LHX8: variants seen among roughly 807,000 people sequenced by gnomAD.
LHX8 encodes the protein LIM/homeobox protein Lhx8.
LHX8 carries 12 observed loss-of-function variants against 40.3 expected under a neutral mutation model. That is an observed-to-expected ratio of 0.30 (90% CI 0.19 to 0.48). The LOEUF (loss-of-function observed/expected upper bound fraction) is 0.48, where lower values mean the gene tolerates loss of function less well. LHX8 is among the 20% of genes least tolerant of loss of function. LHX8 has a pLI of 0.99. For missense variants in LHX8, 344 were observed against 433.7 expected (o/e 0.79, Z 1.84); for synonymous variants, 179 against 162.0 (o/e 1.10, Z -0.80).
chr1:75,157,777 C>T (rs1369763701), intron 8 of LHX8, among the ~76,000 whole-genome samples: 1 of 152,100 alleles, frequency 6.6e-6, no homozygotes, highest in African/African-American at 2.4e-5. Flanking sequence ...TATAGAAATC[C>T]ACTGTAGGAA....
At chr1:75,169,096 C>G in the LHX8 span, among the ~76,000 whole-genome samples, 1 of 152,128 alleles carries the variant, frequency 6.6e-6, no homozygotes, top group Non-Finnish European at 1.5e-5. Flanking sequence ...TTGAAGGGCA[C>G]TTTTCATGGG....
At chr1:75,180,046 T>G in the LHX8 span, among the ~76,000 whole-genome samples, 6 of 152,238 alleles carry the variant, frequency 3.9e-5, no homozygotes, top group African/African-American at 1.4e-4. Context: ...GTAGAGTTTC[T>G]GCCAAGAGAT....
At chr1:75,166,088 G>T (rs149021300), downstream of LHX8, among the ~76,000 whole-genome samples, 1,669 of 152,328 alleles carry the variant, frequency 0.011, 37 homozygotes, top group African/African-American at 0.038. Flanking sequence ...GGCACTCTGA[G>T]GCCGGGCAGT....
chr1:75,148,500 A>C, intron 6 of LHX8, 87 bp from the exon 7 acceptor site: 1 of 887,910 alleles, frequency 1.1e-6, no homozygotes, highest in East Asian at 2.6e-5. Flanking sequence ...GTTCTTGTGC[A>C]TGTCTTACCT....
At chr1:75,136,317 C>CG (rs1008750543) in intron 1 of LHX8, among the ~76,000 whole-genome samples, 11 of 151,994 alleles carry the variant, frequency 7.2e-5, no homozygotes, top group African/African-American at 1.9e-4. Context: ...TTATCCCCGG[C>CG]GGGGGGGCGG....
intron 6 of LHX8, among the ~76,000 whole-genome samples, chr1:75,147,644 C>T (rs1057405458): frequency 1.3e-5 from 2 of 152,154 alleles, no homozygotes; most frequent in Non-Finnish European, 2.9e-5. Flanking sequence ...CAAGCACAAT[C>T]ACATTGGGTG....
At chr1:75,178,895 G>T in the LHX8 span, among the ~76,000 whole-genome samples, 2 of 151,826 alleles carry the variant, frequency 1.3e-5, no homozygotes, top group Non-Finnish European at 2.9e-5. Flanking sequence ...TTGGTTTCAA[G>T]TAACATCTTT....
intron 5 of LHX8, among the ~76,000 whole-genome samples, chr1:75,143,631 C>T (rs146503111): frequency 6.5e-4 from 99 of 152,176 alleles, no homozygotes; most frequent in African/African-American, 2.3e-3. Context: ...ATGTGTACTT[C>T]TAACTTTTTG....
In LHX8 at chr1:75,160,955, A is replaced by T; in HGVS notation, c.*60A>T. On this transcript the variant is annotated 3_prime_UTR_variant, in exon 9 of 9. Transcript: ENST00000356261. The stretch of plus-strand genomic sequence containing the variant: ...AAATTTGTCATTTATTATGTATAAA[A>T]TACCATTGAAAAGATATTACTGTTA... 1.6e-6 allele frequency: 2 copies of T among 1,228,372 alleles called. No individual in the cohort carries two copies. Among genetic ancestry groups the T allele is most frequent in the South Asian group, 2.4e-5 (2 of 82,618 alleles). The allele number at this position is 1,228,372 out of a possible 1,614,324, so 76.1% of individuals were successfully genotyped here.
At chr1:75,132,047 C>CCAAA (rs1048246296), upstream of LHX8, 1 of 152,152 alleles carries the variant, frequency 6.6e-6, no homozygotes, top group Admixed American at 6.5e-5. Flanking sequence ...ATTACTAAGA[C>CCAAA]CAAACAAACA....
At chr1:75,183,795 A>G in the LHX8 span, among the ~76,000 whole-genome samples, 1 of 152,228 alleles carries the variant, frequency 6.6e-6, no homozygotes, top group East Asian at 1.9e-4. Context: ...TTGAATATAA[A>G]TGGGCTAAAT....
the LHX8 span, among the ~76,000 whole-genome samples, chr1:75,198,778 A>G: frequency 6.6e-6 from 1 of 152,148 alleles, no homozygotes; most frequent in Non-Finnish European, 1.5e-5. Context: ...TTCCTCCCAA[A>G]TACCTTATTA....
chr1:75,194,896 T>A, the LHX8 span, among the ~76,000 whole-genome samples: 1 of 152,194 alleles, frequency 6.6e-6, no homozygotes, highest in South Asian at 2.1e-4. Flanking sequence ...TTCCTCTTTA[T>A]AATCTGAGAA....
intron 1 of LHX8, among the ~76,000 whole-genome samples, chr1:75,136,243 C>T (rs896525131): frequency 7.2e-5 from 11 of 151,996 alleles, no homozygotes; most frequent in Non-Finnish European, 1.3e-4. Context: ...CGGTGTTCCC[C>T]GCTCCGCTAT....
chr1:75,140,211 T>C (rs1648275751), intron 3 of LHX8, among the ~76,000 whole-genome samples: 1 of 152,230 alleles, frequency 6.6e-6, no homozygotes, highest in Non-Finnish European at 1.5e-5. Flanking sequence ...TTAGAAAGTA[T>C]AAAATACTGG....
At chr1:75,155,225 A>ACT (rs1162924259) in intron 7 of LHX8, among the ~76,000 whole-genome samples, 1 of 127,108 alleles carries the variant, frequency 7.9e-6, no homozygotes, top group Non-Finnish European at 1.6e-5. Context: ...ATGAAGAAAC[A>ACT]CTCTCTTTTT....
At position 75,137,185 on chromosome 1, in the gene LHX8, C is replaced by T. The variant is rs1371048574; in HGVS notation, c.161C>T (p.Ser54Leu). 5.0e-6 allele frequency: 8 copies of T among 1,613,376 alleles called. No individual in the cohort carries two copies. The highest frequency in any genetic ancestry group is 4.0e-5 in the African/African-American group (3 of 74,920). The change falls in exon 3 of 9, where the codon TCG (serine) becomes TTG (leucine). Residue 54 changes from serine (S) to leucine (L), a missense_variant. Ser to Leu is a moderately radical substitution (Grantham distance 145). Around this residue, in one of 3 missense-constraint regions of LHX8, gnomAD observed 108 missense variants for 90.1 expected, o/e 1.20. Transcript: ENST00000356261. ...TCGTCCTCGCCCCGGTCCATGGCCT[C>T]GGGCTCCGGCTGCCCTCCTGGCAAG... ...SPSSSPRSMA[S>L]GSGCPPGKCV...
the LHX8 span, among the ~76,000 whole-genome samples, chr1:75,179,502 GTTTT>G: frequency 2.5e-3 from 272 of 108,490 alleles, no homozygotes; most frequent in African/African-American, 8.6e-3. Flanking sequence ...AACCCCTGTT[GTTTT>G]TTTTTTTTTT....
At chr1:75,197,880 A>G in the LHX8 span, among the ~76,000 whole-genome samples, 2 of 152,220 alleles carry the variant, frequency 1.3e-5, no homozygotes, top group African/African-American at 4.8e-5. Flanking sequence ...AGATTAATCA[A>G]ATGAAGATCT....
Sources: allele counts gnomAD v4.1 joint callset (sites outside exome capture counted in the v4.1 genomes callset), GRCh38; gene constraint gnomAD v4.1.1; regional missense constraint gnomAD v4.1.1; transcripts MANE v1.5; gene names NCBI Gene and HGNC (gene_info 2026-07-23, HGNC 2026-07-21).